Variants in ADGRL3 observed in about 807,000 individuals in gnomAD.
ADGRL3 encodes the protein adhesion G protein-coupled receptor L3.
ADGRL3 carries 62 observed loss-of-function variants against 153.5 expected under a neutral mutation model. That is an observed-to-expected ratio of 0.40 (90% CI 0.33 to 0.50). The LOEUF is 0.50. Ranked by LOEUF, ADGRL3 falls within the 20% of genes least tolerant of loss-of-function variation. The pLI is 0.47. For missense variants in ADGRL3, 1,641 were observed against 1,859.4 expected (o/e 0.88, Z 2.16); for synonymous variants, 710 against 672.5 (o/e 1.06, Z -0.86).
intron 9 of ADGRL3, among the ~76,000 whole-genome samples, chr4:61,860,351 C>T (rs1015551862): frequency 7.2e-5 from 11 of 151,960 alleles, no homozygotes; most frequent in African/African-American, 2.7e-4. Flanking sequence ...TACAGATAAA[C>T]GTAAGCCCTT....
intron 5 of ADGRL3, among the ~76,000 whole-genome samples, chr4:61,650,001 G>C (rs1045825015): frequency 6.6e-6 from 1 of 152,108 alleles, no homozygotes; most frequent in Non-Finnish European, 1.5e-5. Flanking sequence ...TTCAGGATGG[G>C]CAAGTGGAGT....
At chr4:61,229,585 T>C (rs1182736228) in intron 1 of ADGRL3, among the ~76,000 whole-genome samples, 4 of 151,992 alleles carry the variant, frequency 2.6e-5, no homozygotes, top group African/African-American at 9.7e-5. Flanking sequence ...TTTGTAAATA[T>C]GTGAAAAGAA....
At chr4:61,482,260 A>G (rs2098139036) in intron 2 of ADGRL3, among the ~76,000 whole-genome samples, 1 of 152,204 alleles carries the variant, frequency 6.6e-6, no homozygotes, top group Admixed American at 6.5e-5. Flanking sequence ...AACACTTTTC[A>G]TTGTAAAAAA....
At chr4:61,469,324 TTA>T (rs2097918339) in intron 2 of ADGRL3, among the ~76,000 whole-genome samples, 1 of 152,116 alleles carries the variant, frequency 6.6e-6, no homozygotes, top group Non-Finnish European at 1.5e-5. Context: ...CCCTAAAGAA[TTA>T]TTATGAGTAT....
intron 21 of ADGRL3, among the ~76,000 whole-genome samples, chr4:62,010,516 C>A (rs1270234469): frequency 6.6e-6 from 1 of 152,114 alleles, no homozygotes; most frequent in East Asian, 1.9e-4. Flanking sequence ...AAAAATATCT[C>A]ACCCTACATT....
At chr4:61,572,318 T>C (rs1166248010) in intron 4 of ADGRL3, among the ~76,000 whole-genome samples, 1 of 152,136 alleles carries the variant, frequency 6.6e-6, no homozygotes, top group East Asian at 1.9e-4. Context: ...ACTTTAACTT[T>C]TAGCAAATAC....
intron 5 of ADGRL3, among the ~76,000 whole-genome samples, chr4:61,654,070 G>C (rs1004534789): frequency 6.6e-6 from 1 of 152,128 alleles, no homozygotes; most frequent in Non-Finnish European, 1.5e-5. Context: ...TGTAACTTTT[G>C]TGTTAGGCAA....
intron 5 of ADGRL3, among the ~76,000 whole-genome samples, chr4:61,629,202 C>T (rs934286201): frequency 6.6e-6 from 1 of 152,058 alleles, no homozygotes; most frequent in Non-Finnish European, 1.5e-5. Context: ...GAAAGAACAA[C>T]CTGGAACATT....
intron 1 of ADGRL3, among the ~76,000 whole-genome samples, chr4:61,216,643 A>T (rs1440043645): frequency 2.0e-5 from 3 of 152,180 alleles, no homozygotes; most frequent in African/African-American, 7.2e-5. Flanking sequence ...TAATAAACAC[A>T]CAAATAGAAA....
intron 1 of ADGRL3, among the ~76,000 whole-genome samples, chr4:61,356,358 A>G (rs1560512432): frequency 6.6e-6 from 1 of 152,038 alleles, no homozygotes; most frequent in African/African-American, 2.4e-5. Context: ...TGCACTGTCT[A>G]GGGGTACATC....
At chr4:61,615,538 A>G (rs2091900300) in intron 5 of ADGRL3, among the ~76,000 whole-genome samples, 1 of 151,712 alleles carries the variant, frequency 6.6e-6, no homozygotes, top group Non-Finnish European at 1.5e-5. Context: ...GAAGAAGAAC[A>G]GAAGTGTGAG....
chr4:61,324,957 A>G (rs536192396), intron 1 of ADGRL3, among the ~76,000 whole-genome samples: 24 of 152,170 alleles, frequency 1.6e-4, no homozygotes, highest in Non-Finnish European at 2.9e-4. Context: ...AGCACCAAAT[A>G]CTATTCTTAT....
intron 1 of ADGRL3, among the ~76,000 whole-genome samples, chr4:61,325,098 G>A (rs951612237): frequency 4.6e-5 from 7 of 152,088 alleles, no homozygotes; most frequent in African/African-American, 9.7e-5. Flanking sequence ...TGAATCACGA[G>A]GTCAGGAGAT....
chr4:61,485,335 T>G (rs2098178257), intron 2 of ADGRL3, among the ~76,000 whole-genome samples: 1 of 152,230 alleles, frequency 6.6e-6, no homozygotes, highest in African/African-American at 2.4e-5. Flanking sequence ...AATTTAAGAC[T>G]TATTATACAG....
chr4:61,971,358 C>T (rs2099026854), intron 17 of ADGRL3, among the ~76,000 whole-genome samples: 1 of 152,006 alleles, frequency 6.6e-6, no homozygotes, highest in Non-Finnish European at 1.5e-5. Flanking sequence ...CTTCCTGTGT[C>T]CATGTGTTCT....
chr4:62,012,404 G>T (rs2099190920), intron 21 of ADGRL3, among the ~76,000 whole-genome samples: 1 of 152,142 alleles, frequency 6.6e-6, no homozygotes, highest in African/African-American at 2.4e-5. Context: ...CTATGTGCTA[G>T]GCACTGTTCT....
At chr4:61,396,965 AT>A (rs2096875408) in intron 2 of ADGRL3, among the ~76,000 whole-genome samples, 1 of 151,030 alleles carries the variant, frequency 6.6e-6, no homozygotes, top group African/African-American at 2.4e-5. Flanking sequence ...TATTATTATT[AT>A]TATTATTCCT....
Position 62,070,708 on chromosome 4 carries a change from C to T in ADGRL3, c.4432C>T (p.Pro1478Ser), listed in dbSNP as rs888634734. ...CACCAGCACCCAGACCGAACCCCCA[C>T]CGGCCAAATGTGGTGATGCCGAAGA... ...VTTSTQTEPP[P>S]AKCGDAEDVY... The change falls in exon 27 of 27, where the codon CCG becomes TCG. Residue 1478 changes from proline to serine, a missense_variant. Physicochemically the swap from Pro to Ser is moderately conservative, Grantham distance 74. This residue lies in a region of ADGRL3 where 517 missense variants were observed against 555.0 expected (regional missense o/e 0.93). Coordinates refer to ENST00000683033, the MANE Select transcript of ADGRL3 (RefSeq NM_001387552.1). 9.7e-6 allele frequency: 15 copies of T among 1,551,508 alleles called. No individual in the cohort carries two copies. The highest frequency in any genetic ancestry group is 1.3e-5 in the Non-Finnish European group (15 of 1,146,982).
chr4:61,557,489 TAACCC>T (rs1195403807), intron 4 of ADGRL3, among the ~76,000 whole-genome samples: 1 of 152,190 alleles, frequency 6.6e-6, no homozygotes, highest in Non-Finnish European at 1.5e-5. Flanking sequence ...TAAAAGTCTA[TAACCC>T]ATTTATTATC....
Sources: gnomAD v4.1 joint callset for allele counts (sites outside exome capture counted in the v4.1 genomes callset) on GRCh38, gnomAD v4.1.1 for gene constraint, gnomAD v4.1.1 regional missense constraint, MANE v1.5 for transcripts, NCBI Gene and HGNC (gene_info 2026-07-23, HGNC 2026-07-21) for gene names.